HYCC1: variants seen among roughly 807,000 people sequenced by gnomAD.
HYCC1 encodes hyccin.
chr7:22,937,530 A>T, the HYCC1 span: 1 of 152,228 alleles, frequency 6.6e-6, no homozygotes, highest in Non-Finnish European at 1.5e-5. Flanking sequence ...TGCTTAAAAT[A>T]ATCAGAGTAA....
the HYCC1 span, chr7:22,942,099 CTCTG>C: frequency 3.8e-4 from 58 of 152,166 alleles, no homozygotes; most frequent in Admixed American, 3.1e-3. Flanking sequence ...TACATCTGTT[CTCTG>C]TAATTCAACA....
the HYCC1 span, among the ~76,000 whole-genome samples, chr7:22,998,972 A>G: frequency 2.6e-5 from 4 of 151,220 alleles, no homozygotes; most frequent in Non-Finnish European, 4.4e-5. Flanking sequence ...CCTTCCTTTC[A>G]CTCCTCAGCT....
chr7:22,980,610 G>C, the HYCC1 span, among the ~76,000 whole-genome samples: 1 of 152,150 alleles, frequency 6.6e-6, no homozygotes, highest in Non-Finnish European at 1.5e-5. Flanking sequence ...AAAGAGTCAA[G>C]TTTTGGTAAA....
the HYCC1 span, among the ~76,000 whole-genome samples, chr7:22,957,674 G>A: frequency 6.6e-6 from 1 of 151,992 alleles, no homozygotes; most frequent in South Asian, 2.1e-4. Context: ...GGTTTGGGAA[G>A]AAATTTGTCC....
chr7:22,991,220 A>T, the HYCC1 span: 3 of 909,132 alleles, frequency 3.3e-6, no homozygotes, highest in East Asian at 7.9e-5. Context: ...ATAATCCTAT[A>T]AAGTTTTTAC....
At chr7:22,960,879 G>A in the HYCC1 span, among the ~76,000 whole-genome samples, 3 of 151,928 alleles carry the variant, frequency 2.0e-5, no homozygotes, top group Non-Finnish European at 4.4e-5. Flanking sequence ...AATAAATCCT[G>A]TCTCTACTAA....
chr7:23,010,136 A>G, the HYCC1 span, among the ~76,000 whole-genome samples: 6 of 152,216 alleles, frequency 3.9e-5, no homozygotes, highest in African/African-American at 1.4e-4. Flanking sequence ...CAGGGAACCA[A>G]TTTGGATACT....
At chr7:22,985,639 G>A in the HYCC1 span, 1 of 151,998 alleles carries the variant, frequency 6.6e-6, no homozygotes, top group African/African-American at 2.4e-5. Flanking sequence ...CTTACATAAA[G>A]ACGAGATTAA....
chr7:22,916,089 T>A, the HYCC1 span, among the ~76,000 whole-genome samples: 1 of 152,116 alleles, frequency 6.6e-6, no homozygotes, highest in Non-Finnish European at 1.5e-5. Flanking sequence ...CCCCGCTCAA[T>A]GCCAATATCC....
chr7:22,967,418 A>C, the HYCC1 span, among the ~76,000 whole-genome samples: 1 of 152,226 alleles, frequency 6.6e-6, no homozygotes, highest in Non-Finnish European at 1.5e-5. Context: ...GAGACTGTGG[A>C]TATTTTAGCA....
chr7:22,927,569 A>T, the HYCC1 span, among the ~76,000 whole-genome samples: 3 of 152,256 alleles, frequency 2.0e-5, no homozygotes, highest in South Asian at 6.2e-4. Flanking sequence ...CTACGCAAAT[A>T]AACTAGAAGA....
chr7:22,979,507 T>C, the HYCC1 span, among the ~76,000 whole-genome samples: 5 of 152,124 alleles, frequency 3.3e-5, no homozygotes, highest in African/African-American at 9.7e-5. Flanking sequence ...GTTTTTAGCG[T>C]AGGAATTTGG....
the HYCC1 span, among the ~76,000 whole-genome samples, chr7:22,961,780 G>A: frequency 2.6e-5 from 4 of 152,138 alleles, no homozygotes; most frequent in Non-Finnish European, 5.9e-5. Context: ...TCACTTAGAA[G>A]TGTATTTGCT....
At chr7:23,008,119 C>T in the HYCC1 span, among the ~76,000 whole-genome samples, 99,263 of 151,896 alleles carry the variant, frequency 0.65, 32,438 homozygotes, top group Non-Finnish European at 0.67. Context: ...CAAAATCATT[C>T]ACGCGCTTTA....
chr7:22,955,718 A>C, the HYCC1 span, among the ~76,000 whole-genome samples: 1 of 151,746 alleles, frequency 6.6e-6, no homozygotes, highest in African/African-American at 2.4e-5. Context: ...GAAAAGGAGG[A>C]AGGAATGGAA....
chr7:22,953,151 T>C, the HYCC1 span, among the ~76,000 whole-genome samples: 3 of 152,000 alleles, frequency 2.0e-5, no homozygotes, highest in East Asian at 1.9e-4. Flanking sequence ...TAAAATCCAA[T>C]AGAGAATTGC....
the HYCC1 span, among the ~76,000 whole-genome samples, chr7:22,905,803 ATTTC>A: frequency 1.3e-5 from 2 of 152,140 alleles, no homozygotes; most frequent in Admixed American, 6.6e-5. Flanking sequence ...GTTACGGAGG[ATTTC>A]TTTAACACAA....
chr7:22,912,271 T>G, the HYCC1 span, among the ~76,000 whole-genome samples: 1 of 152,196 alleles, frequency 6.6e-6, no homozygotes, highest in African/African-American at 2.4e-5. Context: ...CTCTCCCAAC[T>G]TTATTCACCC....
the HYCC1 span, among the ~76,000 whole-genome samples, chr7:22,957,207 G>A: frequency 2.6e-5 from 4 of 151,448 alleles, no homozygotes; most frequent in South Asian, 2.1e-4. Flanking sequence ...TGTATTTGTC[G>A]GCTGTGTAAT....
Sources: allele counts gnomAD v4.1 joint callset (sites outside exome capture counted in the v4.1 genomes callset), GRCh38; gene constraint gnomAD v4.1.1; transcripts MANE v1.5; gene names NCBI Gene and HGNC (gene_info 2026-07-23, HGNC 2026-07-21).